PIK3C3: variants seen among roughly 807,000 people sequenced by gnomAD.
PIK3C3 encodes the protein phosphatidylinositol 3-kinase catalytic subunit type 3.
A neutral mutation model predicts 126.1 loss-of-function variants in PIK3C3; 95 were observed. That is an observed-to-expected ratio of 0.75 (90% CI 0.64 to 0.89). PIK3C3 has a LOEUF of 0.89. Among genes scored for constraint, PIK3C3 ranks in the 40% least tolerant of loss-of-function variants. The probability of loss-of-function intolerance (pLI) is 0.00; values close to 1 mark genes in which losing one functional copy is unlikely to be tolerated. For missense variants in PIK3C3, 829 were observed against 1,063.2 expected (o/e 0.78, Z 3.06); for synonymous variants, 374 against 360.0 (o/e 1.04, Z -0.44).
chr18:42,038,898 G>T (rs745867890), intron 18 of PIK3C3, 48 bp downstream of exon 18: 1 of 1,230,324 alleles, frequency 8.1e-7, no homozygotes, highest in Non-Finnish European at 1.2e-6. Context: ...TACATTGTGT[G>T]TACTTTTTCA....
chr18:41,986,718 G>A (rs1981496072), intron 4 of PIK3C3, among the ~76,000 whole-genome samples: 1 of 151,936 alleles, frequency 6.6e-6, no homozygotes, highest in Admixed American at 6.6e-5. Context: ...ACGATATTTA[G>A]TTCCTGCTTT....
intron 19 of PIK3C3, among the ~76,000 whole-genome samples, chr18:42,043,100 CTT>C (rs879644776): frequency 1.4e-4 from 20 of 142,638 alleles, no homozygotes; most frequent in Non-Finnish European, 1.9e-4. Flanking sequence ...ATAGGATAAA[CTT>C]TTTTTTTTTT....
chr18:42,044,106 A>G (rs1327519226), intron 20 of PIK3C3, among the ~76,000 whole-genome samples: 1 of 152,092 alleles, frequency 6.6e-6, no homozygotes, highest in South Asian at 2.1e-4. Flanking sequence ...GATTTTCTCT[A>G]TTTTTGAATA....
At chr18:42,051,996 AAAAT>A (rs1450626542) in intron 21 of PIK3C3, among the ~76,000 whole-genome samples, 3 of 151,648 alleles carry the variant, frequency 2.0e-5, no homozygotes, top group East Asian at 1.9e-4. Context: ...AATAAAAAAT[AAAAT>A]AAATAAAAAA....
chr18:42,046,022 CTT>C (rs1316478447), intron 20 of PIK3C3, among the ~76,000 whole-genome samples: 18 of 152,056 alleles, frequency 1.2e-4, no homozygotes, highest in African/African-American at 4.3e-4. Flanking sequence ...ACCATTGTGT[CTT>C]TTGTATAGTG....
intron 24 of PIK3C3, among the ~76,000 whole-genome samples, chr18:42,075,038 T>C (rs1309592388): frequency 6.6e-6 from 1 of 152,182 alleles, no homozygotes; most frequent in African/African-American, 2.4e-5. Flanking sequence ...CCTTTATATT[T>C]AGTTCTTCTT....
chr18:42,061,580 TA>T (rs905981479), intron 22 of PIK3C3, among the ~76,000 whole-genome samples: 55 of 145,038 alleles, frequency 3.8e-4, no homozygotes, highest in Admixed American at 4.1e-4. Flanking sequence ...AGACTCCATC[TA>T]AAAAAAAAAA....
chr18:42,030,002 T>C (rs1316998553), intron 15 of PIK3C3, among the ~76,000 whole-genome samples: 1 of 152,168 alleles, frequency 6.6e-6, no homozygotes, highest in Middle Eastern at 3.2e-3. Context: ...GTCAAGTAAT[T>C]TGTTTAATGT....
chr18:41,969,898 G>A (rs1185794353), intron 3 of PIK3C3, among the ~76,000 whole-genome samples: 1 of 152,144 alleles, frequency 6.6e-6, no homozygotes, highest in African/African-American at 2.4e-5. Flanking sequence ...CAGGCAGTTT[G>A]ACTATATAGT....
intron 3 of PIK3C3, among the ~76,000 whole-genome samples, chr18:41,963,667 TAAA>T (rs1333732408): frequency 6.6e-6 from 1 of 152,186 alleles, no homozygotes. Context: ...ACTTTAAAGT[TAAA>T]AAATGTTATT....
chr18:42,070,091 A>C (rs943410729), intron 24 of PIK3C3, among the ~76,000 whole-genome samples: 3 of 152,234 alleles, frequency 2.0e-5, no homozygotes, highest in East Asian at 3.9e-4. Context: ...TGCATGGACT[A>C]TCTCTCTCCA....
chr18:41,996,012 T>G lies in PIK3C3; in HGVS notation c.891+18T>G, dbSNP rs200438020. On this transcript the variant is annotated intron_variant, in intron 8 of 24. Transcript: ENST00000262039. ...AGTTAAATGTAAGAGAATTATGAAA[T>G]ATTAATTTAAAAATAGTTAAATGGG... 1 of 1,524,444 alleles carries G rather than the reference T, an allele frequency of 6.6e-7. No individual in the cohort carries two copies. Among genetic ancestry groups the G allele is most frequent in the Non-Finnish European group, 9.1e-7 (1 of 1,101,320 alleles). The allele number at this position is 1,524,444 out of a possible 1,614,324, so 94.4% of individuals were successfully genotyped here.
At chr18:41,966,683 T>C (rs1015841975) in intron 3 of PIK3C3, among the ~76,000 whole-genome samples, 10 of 152,210 alleles carry the variant, frequency 6.6e-5, no homozygotes, top group African/African-American at 2.4e-4. Context: ...ACAAATGATA[T>C]GAAATTCATT....
intron 9 of PIK3C3, among the ~76,000 whole-genome samples, chr18:41,999,148 G>T (rs1982164056): frequency 1.3e-5 from 2 of 151,734 alleles, no homozygotes; most frequent in African/African-American, 4.8e-5. Context: ...AAAGTTCATA[G>T]TAATAACTTT....
chr18:42,007,552 A>T (rs1982612473), intron 10 of PIK3C3, among the ~76,000 whole-genome samples: 1 of 152,152 alleles, frequency 6.6e-6, no homozygotes, highest in African/African-American at 2.4e-5. Flanking sequence ...CAATTTTACT[A>T]AAATCATATA....
intron 6 of PIK3C3, 31 bp downstream of exon 6, chr18:41,990,585 A>C (rs925361070): frequency 1.2e-5 from 14 of 1,139,544 alleles, no homozygotes; most frequent in Non-Finnish European, 1.9e-5. Flanking sequence ...TTTGGTCTCT[A>C]AAGTAGAGGG....
intron 24 of PIK3C3, among the ~76,000 whole-genome samples, chr18:42,080,811 C>T (rs896981212): frequency 1.3e-5 from 2 of 152,122 alleles, no homozygotes; most frequent in African/African-American, 2.4e-5. Context: ...CTTTAGAATT[C>T]AGTGGAATTT....
At chr18:41,986,315 T>A (rs1275120639) in intron 4 of PIK3C3, among the ~76,000 whole-genome samples, 4 of 152,170 alleles carry the variant, frequency 2.6e-5, no homozygotes, top group South Asian at 4.1e-4. Context: ...ATTTTTACTG[T>A]TACTTCGTTC....
At chr18:42,020,503 A>G in intron 12 of PIK3C3, 135 bp from the exon 13 acceptor site, 1 of 590,848 alleles carries the variant, frequency 1.7e-6, no homozygotes, top group African/African-American at 1.9e-5. Context: ...GTATGTAAGG[A>G]TAGATAAATG....
Sources: allele counts gnomAD v4.1 joint callset (sites outside exome capture counted in the v4.1 genomes callset), GRCh38; gene constraint gnomAD v4.1.1; transcripts MANE v1.5; gene names NCBI Gene and HGNC (gene_info 2026-07-23, HGNC 2026-07-21).